FHIT: variants seen among roughly 807,000 people sequenced by gnomAD.
The protein encoded by FHIT is bis(5'-adenosyl)-triphosphatase.
Under a neutral mutation model 17.9 loss-of-function variants are expected in FHIT, and 19 were observed. The observed-to-expected ratio is 1.06, with a 90% confidence interval of 0.74 to 1.56. The LOEUF is 1.56. FHIT is among the 40% of genes most tolerant of loss of function. FHIT has a pLI of 0.00. For synonymous variants in FHIT, 81 were observed against 69.7 expected (o/e 1.16, Z -0.81); for missense variants, 248 against 189.2 (o/e 1.31, Z -1.82).
chr3:60,132,280 C>T (rs868150146), intron 5 of FHIT, among the ~76,000 whole-genome samples: 7 of 152,136 alleles, frequency 4.6e-5, no homozygotes, highest in South Asian at 2.1e-4. Flanking sequence ...CACAAGCCTC[C>T]GGAGGATGGA....
chr3:60,148,887 C>T (rs533445542), intron 5 of FHIT, among the ~76,000 whole-genome samples: 12 of 152,250 alleles, frequency 7.9e-5, no homozygotes, highest in Admixed American at 3.9e-4. Flanking sequence ...TAAGTGTAAA[C>T]GTGACCCTAA....
chr3:60,834,880 AG>A (rs1331061619), intron 3 of FHIT, among the ~76,000 whole-genome samples: 5 of 137,376 alleles, frequency 3.6e-5, no homozygotes, highest in African/African-American at 5.5e-5. Context: ...AGAAAAGAAA[AG>A]AAAAAAAAAA....
chr3:60,366,359 A>G (rs1231992939), intron 5 of FHIT, among the ~76,000 whole-genome samples: 2 of 152,124 alleles, frequency 1.3e-5, no homozygotes, highest in Non-Finnish European at 2.9e-5. Flanking sequence ...TCCTGACCTC[A>G]AGGGATCCGC....
At position 60,086,559 on chromosome 3, in the gene FHIT, T is replaced by C. The variant is rs77350908; in HGVS notation, c.104-72407A>G. Among the ~76,000 whole-genome samples the C allele has an allele frequency of 5.3e-3, 807 of 152,304 alleles. 3 individuals are homozygous for C. Among genetic ancestry groups the C allele is most frequent in the African/African-American group, 0.018 (764 of 41,562 alleles). The stretch of plus-strand genomic sequence containing the variant: ...AAAAATAAGATGTTTGTTTTCAACA[T>C]ACAATGGTTTCATGGGCACTGGGTA... On this transcript the variant is annotated intron_variant, in intron 5 of 9. Coordinates refer to ENST00000492590, the MANE Select transcript of FHIT (RefSeq NM_002012.4).
chr3:61,020,251 C>T (rs2032341267), intron 3 of FHIT, among the ~76,000 whole-genome samples: 2 of 152,200 alleles, frequency 1.3e-5, no homozygotes, highest in Non-Finnish European at 2.9e-5. Context: ...GAGATGGTAT[C>T]TCATTGTAGT....
chr3:59,910,393 G>A (rs890003632), intron 8 of FHIT, among the ~76,000 whole-genome samples: 2 of 152,178 alleles, frequency 1.3e-5, no homozygotes, highest in African/African-American at 2.4e-5. Flanking sequence ...TGGGAGGCAG[G>A]TTGCCCCTAA....
intron 2 of FHIT, among the ~76,000 whole-genome samples, chr3:61,073,736 C>T (rs1575964310): frequency 6.6e-6 from 1 of 152,098 alleles, no homozygotes; most frequent in South Asian, 2.1e-4. Context: ...TCCTGCTGGC[C>T]CTATTCCTAT....
intron 5 of FHIT, among the ~76,000 whole-genome samples, chr3:60,367,149 G>T (rs533197199): frequency 1.3e-5 from 2 of 152,274 alleles, no homozygotes; most frequent in African/African-American, 4.8e-5. Flanking sequence ...TAGATAATGG[G>T]CTGGCCCTTT....
intron 2 of FHIT, among the ~76,000 whole-genome samples, chr3:61,088,874 A>G (rs1164561924): frequency 6.6e-6 from 1 of 152,180 alleles, no homozygotes; most frequent in Admixed American, 6.5e-5. Flanking sequence ...GCTGCGCTGG[A>G]AAAAACCGAA....
At chr3:61,216,683 A>G (rs1224670746) in intron 1 of FHIT, among the ~76,000 whole-genome samples, 1 of 152,232 alleles carries the variant, frequency 6.6e-6, no homozygotes, top group African/African-American at 2.4e-5. Flanking sequence ...TGCTATAAAG[A>G]CACATGCACA....
At chr3:60,568,543 C>T (rs771693693) in intron 4 of FHIT, among the ~76,000 whole-genome samples, 2 of 151,824 alleles carry the variant, frequency 1.3e-5, no homozygotes, top group Non-Finnish European at 2.9e-5. Flanking sequence ...ACCAACATGG[C>T]ACATGTATAC....
At chr3:61,039,474 C>T (rs1413864065) in intron 3 of FHIT, among the ~76,000 whole-genome samples, 2 of 152,120 alleles carry the variant, frequency 1.3e-5, no homozygotes, top group South Asian at 2.1e-4. Flanking sequence ...CAATGACAGA[C>T]TGGATAAAGA....
intron 5 of FHIT, among the ~76,000 whole-genome samples, chr3:60,395,667 G>A (rs745869627): frequency 2.6e-4 from 39 of 152,244 alleles, no homozygotes; most frequent in Non-Finnish European, 5.0e-4. Context: ...GCCTAAAAGG[G>A]AAGGAGTTAC....
At chr3:60,031,869 G>C (rs1206066346) in intron 5 of FHIT, among the ~76,000 whole-genome samples, 1 of 152,064 alleles carries the variant, frequency 6.6e-6, no homozygotes, top group African/African-American at 2.4e-5. Flanking sequence ...CTAAAATTTT[G>C]TATCTTATTA....
intron 4 of FHIT, among the ~76,000 whole-genome samples, chr3:60,792,135 G>A (rs1700799456): frequency 6.6e-6 from 1 of 152,164 alleles, no homozygotes; most frequent in Non-Finnish European, 1.5e-5. Context: ...CAATGAGGAT[G>A]GCTTCCTGCT....
chr3:60,286,455 T>C (rs1576423611), intron 5 of FHIT, among the ~76,000 whole-genome samples: 1 of 152,188 alleles, frequency 6.6e-6, no homozygotes. Context: ...TTGAAGGGAA[T>C]TGAATTTTTA....
chr3:60,629,946 C>T (rs963877141), intron 4 of FHIT, among the ~76,000 whole-genome samples: 5 of 152,146 alleles, frequency 3.3e-5, no homozygotes, highest in Non-Finnish European at 7.3e-5. Context: ...GATAGCTGCT[C>T]CCAAAAGGTA....
At chr3:60,736,988 G>A (rs2042146423) in intron 4 of FHIT, among the ~76,000 whole-genome samples, 1 of 152,146 alleles carries the variant, frequency 6.6e-6, no homozygotes, top group Non-Finnish European at 1.5e-5. Flanking sequence ...AAGAGAATGG[G>A]AAAAGAAAAT....
At chr3:61,056,198 G>A (rs533662002) in intron 2 of FHIT, among the ~76,000 whole-genome samples, 9 of 152,284 alleles carry the variant, frequency 5.9e-5, no homozygotes, top group Admixed American at 3.9e-4. Context: ...GAGGCGGGAG[G>A]ATAGCTTGAG....
Sources: gnomAD v4.1 joint callset for allele counts (sites outside exome capture counted in the v4.1 genomes callset) on GRCh38, gnomAD v4.1.1 for gene constraint, MANE v1.5 for transcripts, NCBI Gene and HGNC (gene_info 2026-07-23, HGNC 2026-07-21) for gene names.